The following PLXNA4 variants were observed in gnomAD, a reference collection of about 807,000 sequenced individuals.
The protein encoded by PLXNA4 is plexin-A4.
Under a neutral mutation model 191.8 loss-of-function variants are expected in PLXNA4, and 44 were observed. That is an observed-to-expected ratio of 0.23 (90% CI 0.18 to 0.29). PLXNA4 has a LOEUF of 0.29. Among genes scored for constraint, PLXNA4 ranks in the 10% least tolerant of loss-of-function variants. The pLI, the probability that PLXNA4 is intolerant of heterozygous loss-of-function variation, is 1.00. For missense variants in PLXNA4, 1,800 were observed against 2,488.8 expected (o/e 0.72, Z 5.89); for synonymous variants, 1,082 against 1,009.5 (o/e 1.07, Z -1.36).
At chr7:132,332,563 C>T (rs1421408211) in intron 3 of PLXNA4, among the ~76,000 whole-genome samples, 3 of 151,988 alleles carry the variant, frequency 2.0e-5, no homozygotes, top group Non-Finnish European at 1.5e-5. Flanking sequence ...AGTATTATTC[C>T]ATGGGCTGGG....
chr7:132,139,335 G>A (rs1450782135), intron 30 of PLXNA4, among the ~76,000 whole-genome samples: 1 of 152,152 alleles, frequency 6.6e-6, no homozygotes, highest in Admixed American at 6.5e-5. Context: ...CAATTTTCAA[G>A]TATAAAGACA....
intron 1 of PLXNA4, among the ~76,000 whole-genome samples, chr7:132,523,459 T>A (rs1585270549): frequency 6.6e-6 from 1 of 152,084 alleles, no homozygotes; most frequent in Non-Finnish European, 1.5e-5. Context: ...GAAGCAGACT[T>A]GGCAAGGAAA....
Position 132,228,421 on chromosome 7 carries a change from A to T in PLXNA4, c.1653T>A (p.Phe551Leu). 1 of 1,614,154 alleles carries T rather than the reference A, an allele frequency of 6.2e-7. No homozygotes were observed. Among genetic ancestry groups the T allele is most frequent in the Non-Finnish European group, 8.5e-7 (1 of 1,180,030 alleles). The change falls in exon 6 of 32, where the codon TTT becomes TTA. Residue 551 changes from phenylalanine (F) to leucine (L), a missense_variant. Physicochemically the swap from Phe to Leu is conservative, Grantham distance 22 (BLOSUM62 0). Transcript: ENST00000321063. ...GGACACACTGCTTCATCTCCGAGGC[A>T]AACCTGCGGGGCTCCTTGGACCGCT... ...RCERSKEPRR[F>L]ASEMKQCVRL...
At chr7:132,497,141 C>CACAG (rs1798056790) in intron 2 of PLXNA4, among the ~76,000 whole-genome samples, 1 of 151,860 alleles carries the variant, frequency 6.6e-6, no homozygotes, top group Non-Finnish European at 1.5e-5. Context: ...CACACACACA[C>CACAG]ACATACACAT....
intron 1 of PLXNA4, among the ~76,000 whole-genome samples, chr7:132,530,128 C>T (rs1563154686): frequency 6.6e-6 from 1 of 152,024 alleles, no homozygotes. Flanking sequence ...TATTAATAGA[C>T]AGAGAGAGGA....
chr7:132,403,817 G>T (rs983637143), intron 3 of PLXNA4, among the ~76,000 whole-genome samples: 1 of 152,174 alleles, frequency 6.6e-6, no homozygotes, highest in Non-Finnish European at 1.5e-5. Flanking sequence ...GAGGGATCAG[G>T]AGGGAGAAAG....
intron 4 of PLXNA4, among the ~76,000 whole-genome samples, chr7:132,258,744 A>G (rs1799519846): frequency 6.6e-6 from 1 of 152,216 alleles, no homozygotes; most frequent in Non-Finnish European, 1.5e-5. Flanking sequence ...GAAGACAAAA[A>G]TAACTATGAA....
intron 1 of PLXNA4, among the ~76,000 whole-genome samples, chr7:132,572,383 A>T (rs982851510): frequency 4.6e-5 from 7 of 152,168 alleles, no homozygotes; most frequent in African/African-American, 1.7e-4. Context: ...ATCATCTTCC[A>T]TTCCATTGTT....
intron 30 of PLXNA4, 31 bp downstream of exon 30, chr7:132,140,568 C>A (rs772379067): frequency 6.2e-7 from 1 of 1,608,928 alleles, no homozygotes; most frequent in South Asian, 1.1e-5. Flanking sequence ...CAGCAAGGGG[C>A]CCTGACTTGG....
intron 15 of PLXNA4, among the ~76,000 whole-genome samples, chr7:132,186,823 C>T (rs937469232): frequency 1.3e-5 from 2 of 152,144 alleles, no homozygotes; most frequent in African/African-American, 4.8e-5. Context: ...TTTCCTGAAA[C>T]AAACCCCCTC....
intron 5 of PLXNA4, among the ~76,000 whole-genome samples, chr7:132,236,802 G>A (rs1329114704): frequency 6.6e-6 from 1 of 152,158 alleles, no homozygotes; most frequent in Non-Finnish European, 1.5e-5. Flanking sequence ...TTCAGAGCAA[G>A]CATCCATAGG....
chr7:132,527,638 A>C (rs559810791), intron 1 of PLXNA4, among the ~76,000 whole-genome samples: 1 of 152,178 alleles, frequency 6.6e-6, no homozygotes, highest in African/African-American at 2.4e-5. Context: ...TCAATGACGC[A>C]AAGGCTCAGC....
chr7:132,287,724 T>C (rs942517166), intron 4 of PLXNA4, among the ~76,000 whole-genome samples: 3 of 151,914 alleles, frequency 2.0e-5, no homozygotes, highest in African/African-American at 4.8e-5. Context: ...AAAAAAACAG[T>C]GGGGGTGGTG....
At chr7:132,175,433 G>A (rs892786696) in intron 20 of PLXNA4, among the ~76,000 whole-genome samples, 1 of 152,228 alleles carries the variant, frequency 6.6e-6, no homozygotes. Context: ...CAGCTCATCA[G>A]AGCCATCAAA....
intron 3 of PLXNA4, among the ~76,000 whole-genome samples, chr7:132,390,786 C>A (rs1805375891): frequency 6.6e-6 from 1 of 152,142 alleles, no homozygotes; most frequent in Non-Finnish European, 1.5e-5. Context: ...GGCACTTGCA[C>A]TCCTTGAAAG....
chr7:132,459,756 C>T (rs761430543), intron 3 of PLXNA4, among the ~76,000 whole-genome samples: 4 of 152,110 alleles, frequency 2.6e-5, no homozygotes, highest in Non-Finnish European at 4.4e-5. Context: ...GAGGCTCCCT[C>T]GATCCTAATA....
intron 25 of PLXNA4, among the ~76,000 whole-genome samples, chr7:132,155,372 G>A (rs1033573722): frequency 2.0e-5 from 3 of 152,194 alleles, no homozygotes; most frequent in African/African-American, 7.2e-5. Flanking sequence ...TTCCCTTGAG[G>A]AGTGAAGGGA....
At chr7:132,387,736 T>C (rs1198618207) in intron 3 of PLXNA4, among the ~76,000 whole-genome samples, 4 of 152,300 alleles carry the variant, frequency 2.6e-5, no homozygotes, top group Admixed American at 1.3e-4. Flanking sequence ...AACTTGATTC[T>C]GTAATGGAGA....
At chr7:132,205,813 CT>C (rs1248488625) in intron 10 of PLXNA4, among the ~76,000 whole-genome samples, 8 of 152,262 alleles carry the variant, frequency 5.3e-5, no homozygotes, top group Non-Finnish European at 7.4e-5. Context: ...AGGCCTAGGT[CT>C]GGCCAAGACA....
Sources: gnomAD v4.1 joint callset for allele counts (sites outside exome capture counted in the v4.1 genomes callset) on GRCh38, gnomAD v4.1.1 for gene constraint, MANE v1.5 for transcripts, NCBI Gene and HGNC (gene_info 2026-07-23, HGNC 2026-07-21) for gene names.